Variants in YAP1 observed in about 807,000 individuals in gnomAD.
YAP1 encodes Yes1 associated transcriptional regulator.
YAP1 carries 5 observed loss-of-function variants against 56.9 expected under a neutral mutation model. That is an observed-to-expected ratio of 0.09 (90% CI 0.05 to 0.18). The LOEUF (loss-of-function observed/expected upper bound fraction) is 0.18, where lower values mean the gene tolerates loss of function less well. Ranked by LOEUF, YAP1 falls within the 10% of genes least tolerant of loss-of-function variation. The pLI is 1.00. For missense variants in YAP1, 539 were observed against 651.8 expected, an observed-to-expected ratio of 0.83 and a Z score of 1.88; for synonymous variants, 265 against 248.1, an observed-to-expected ratio of 1.07 and a Z score of -0.64.
chr11:102,188,899 T>C (rs547109974), intron 4 of YAP1, among the ~76,000 whole-genome samples: 95 of 152,014 alleles, frequency 6.2e-4, no homozygotes, highest in African/African-American at 2.3e-3. Flanking sequence ...AGTAATTTGT[T>C]GTGGATTGGG....
intron 4 of YAP1, among the ~76,000 whole-genome samples, chr11:102,192,574 A>G (rs915171759): frequency 4.6e-5 from 7 of 152,326 alleles, no homozygotes; most frequent in South Asian, 2.1e-4. Context: ...TGCTATCACA[A>G]TATAACCAAC....
chr11:102,192,221 A>G (rs937314444), intron 4 of YAP1, among the ~76,000 whole-genome samples: 1 of 152,180 alleles, frequency 6.6e-6, no homozygotes, highest in Non-Finnish European at 1.5e-5. Flanking sequence ...TAATCCCAGC[A>G]GTGTTCTCTT....
intron 3 of YAP1, among the ~76,000 whole-genome samples, chr11:102,164,375 A>G (rs977318039): frequency 6.6e-6 from 1 of 152,164 alleles, no homozygotes. Context: ...ACAAATATTA[A>G]TATTTTTACT....
intron 6 of YAP1, among the ~76,000 whole-genome samples, chr11:102,214,913 A>G (rs1949585234): frequency 2.0e-5 from 3 of 152,218 alleles, no homozygotes; most frequent in South Asian, 4.1e-4. Context: ...CCAACCTGCC[A>G]TCCTGTTTTG....
intron 2 of YAP1, among the ~76,000 whole-genome samples, chr11:102,148,647 T>G (rs1341811695): frequency 6.6e-6 from 1 of 152,212 alleles, no homozygotes. Context: ...AATATATTTT[T>G]AAGATATTAT....
Position 102,130,389 on chromosome 11 carries a change from C to T in YAP1, c.572+15995C>T, listed in dbSNP as rs146763476. ...TCACAGTTAAAATTTCCCAAGCTCT[C>T]CCGGATAATGATTGATTGATTGATT... On this transcript the variant is annotated intron_variant, in intron 2 of 8. Coordinates refer to ENST00000282441, the MANE Select transcript of YAP1 (RefSeq NM_001130145.3). Among the ~76,000 whole-genome samples the T allele has an allele frequency of 2.0e-5, 3 of 152,104 alleles. No individual in the cohort carries two copies. In the East Asian group the frequency reaches 5.8e-4, roughly 29 times the overall value.
intron 4 of YAP1, among the ~76,000 whole-genome samples, chr11:102,192,141 A>G (rs1948324032): frequency 6.6e-6 from 1 of 152,200 alleles, no homozygotes; most frequent in Non-Finnish European, 1.5e-5. Context: ...GGAAAATTCT[A>G]ATGACCACAA....
At chr11:102,111,365 T>G (rs1016153926) in intron 1 of YAP1, among the ~76,000 whole-genome samples, 196 bp downstream of exon 1, 2 of 151,970 alleles carry the variant, frequency 1.3e-5, no homozygotes, top group African/African-American at 4.8e-5. Flanking sequence ...CCTCCCAGAG[T>G]CCGGGGCTGA....
intron 1 of YAP1, 122 bp from the exon 2 acceptor site, chr11:102,114,022 A>G: frequency 1.0e-6 from 1 of 972,132 alleles, no homozygotes; most frequent in Non-Finnish European, 1.4e-6. Context: ...TCGAATATTA[A>G]ATGTTGAAAT....
At chr11:102,197,497 A>G (rs965901370) in intron 4 of YAP1, among the ~76,000 whole-genome samples, 1 of 139,928 alleles carries the variant, frequency 7.1e-6, no homozygotes, top group Admixed American at 7.2e-5. Context: ...CATGTTTAGA[A>G]TGAAACTTGG....
chr11:102,227,200 T>C (rs946175732), intron 7 of YAP1: 6 of 342,684 alleles, frequency 1.8e-5, no homozygotes, highest in Admixed American at 8.9e-5. Context: ...TCTTTTTTTG[T>C]CCCTTATTGT....
In YAP1 at chr11:102,223,688, T is replaced by G; in HGVS notation, c.1099T>G (p.Ser367Ala). ...QDGGTQNPVS[S>A]PGMSQELRTM... is the part of the protein sequence containing the mutation. ...TGGTGGGACTCAAAATCCAGTGTCT[T>G]CTCCCGGGATGTCTCAGGAATTGAG... The change falls in exon 7 of 9, where the codon TCT (serine) becomes GCT (alanine). Residue 367 changes from serine (S) to alanine (A), a missense_variant. Around this residue, in one of 4 missense-constraint regions of YAP1, gnomAD observed 414 missense variants for 512.4 expected, o/e 0.81. Transcript: ENST00000282441. The G allele has an allele frequency of 6.2e-7, 1 of 1,614,112 alleles. No individual in the cohort carries two copies. The highest frequency in any genetic ancestry group is 8.5e-7 in the Non-Finnish European group (1 of 1,180,018).
At chr11:102,181,235 G>A (rs184368811) in intron 3 of YAP1, among the ~76,000 whole-genome samples, 1 of 151,854 alleles carries the variant, frequency 6.6e-6, no homozygotes, top group Non-Finnish European at 1.5e-5. Flanking sequence ...CACGAGGTCA[G>A]GAGATCGCGA....
chr11:102,203,257 T>C (rs952692751), intron 4 of YAP1, among the ~76,000 whole-genome samples: 2 of 152,216 alleles, frequency 1.3e-5, no homozygotes, highest in African/African-American at 4.8e-5. Context: ...CACAGAACCA[T>C]GTTATTAAAG....
chr11:102,209,707 C>G (rs1591428192), intron 6 of YAP1, 143 bp downstream of exon 6: 2 of 737,972 alleles, frequency 2.7e-6, no homozygotes, highest in South Asian at 4.9e-5. Flanking sequence ...TACCAAGATA[C>G]TCAGGTTAAC....
intron 2 of YAP1, among the ~76,000 whole-genome samples, chr11:102,126,811 C>T (rs1478427066): frequency 6.6e-6 from 1 of 152,162 alleles, no homozygotes; most frequent in Non-Finnish European, 1.5e-5. Flanking sequence ...CTAGAGACTT[C>T]TTGAATGGCT....
chr11:102,195,201 C>T (rs750988015), intron 4 of YAP1, among the ~76,000 whole-genome samples: 7 of 152,218 alleles, frequency 4.6e-5, no homozygotes, highest in African/African-American at 7.2e-5. Context: ...TTTTCTGCCT[C>T]ACCTCATTTA....
At position 102,232,624 on chromosome 11, in the gene YAP1, T is replaced by G. The variant is rs1950470488; in HGVS notation, c.*2684T>G. On this transcript the variant is annotated 3_prime_UTR_variant, in exon 9 of 9. Transcript: ENST00000282441. ...TGTGGTCTCTTGTTTTATGTCCTTG[T>G]TCCTAATGTAAAAGTGCTTAACTGC... 6.6e-6 allele frequency: 1 copy of G among 152,630 alleles called. No homozygotes were observed. The highest frequency in any genetic ancestry group is 1.5e-5 in the Non-Finnish European group (1 of 68,050). 9.5% of individuals were successfully genotyped at this position (152,630 alleles called of 1,614,324 possible).
intron 8 of YAP1, among the ~76,000 whole-genome samples, 180 bp downstream of exon 8, chr11:102,227,761 G>C (rs1950263126): frequency 6.6e-6 from 1 of 152,062 alleles, no homozygotes. Context: ...TCTTTTCCTA[G>C]TTTAAAAAAA....
Sources: allele counts gnomAD v4.1 joint callset (sites outside exome capture counted in the v4.1 genomes callset), GRCh38; gene constraint gnomAD v4.1.1; regional missense constraint gnomAD v4.1.1; transcripts MANE v1.5; gene names NCBI Gene and HGNC (gene_info 2026-07-23, HGNC 2026-07-21).